LSAMP: variants seen among roughly 807,000 people sequenced by gnomAD.
LSAMP encodes the protein limbic system associated membrane protein, also known as limbic system-associated membrane protein.
Under a neutral mutation model 38.6 loss-of-function variants are expected in LSAMP, and 7 were observed. That is an observed-to-expected ratio of 0.18 (90% confidence interval 0.10 to 0.34). The LOEUF is 0.34. LSAMP is among the 10% of genes least tolerant of loss of function. The pLI is 1.00. For missense variants in LSAMP, 313 were observed against 420.0 expected (o/e 0.75, Z 2.23); for synonymous variants, 154 against 166.8 (o/e 0.92, Z 0.59).
intron 2 of LSAMP, among the ~76,000 whole-genome samples, chr3:116,048,469 G>A (rs926081277): frequency 2.0e-5 from 3 of 152,160 alleles, no homozygotes; most frequent in African/African-American, 7.2e-5. Context: ...ATCCACAAAA[G>A]CACATCTCTG....
chr3:116,004,524 A>G lies in LSAMP; in HGVS notation c.514+14991T>C, dbSNP rs534015267. 1.5e-4 allele frequency among the ~76,000 whole-genome samples: 22 copies of G among 147,472 alleles called. 2 individuals are homozygous for G. The South Asian group carries it at 2.1e-3, about 14-fold the overall frequency. ...AATGTGTGTGTGTATATATATGTGT[A>G]TATATATATATACACACACACACGT... On this transcript the variant is annotated intron_variant, in intron 3 of 6. Coordinates refer to ENST00000490035, the MANE Select transcript of LSAMP (RefSeq NM_002338.5).
At chr3:116,006,605 A>AATCC (rs886414201) in intron 3 of LSAMP, among the ~76,000 whole-genome samples, 2 of 152,172 alleles carry the variant, frequency 1.3e-5, no homozygotes, top group Non-Finnish European at 2.9e-5. Flanking sequence ...TCTCTTCAGG[A>AATCC]ATCCATCCAT....
chr3:116,107,700 C>T (rs1708500330), intron 1 of LSAMP, among the ~76,000 whole-genome samples: 1 of 152,100 alleles, frequency 6.6e-6, no homozygotes, highest in Non-Finnish European at 1.5e-5. Context: ...CAGTACAGCC[C>T]AGGTAATTTG....
At chr3:116,323,805 A>T (rs2047737375) in intron 1 of LSAMP, among the ~76,000 whole-genome samples, 3 of 152,122 alleles carry the variant, frequency 2.0e-5, no homozygotes, top group Admixed American at 1.3e-4. Flanking sequence ...CACAGACACC[A>T]CTAAAATGCC....
At chr3:116,424,767 T>C (rs1245742355) in intron 1 of LSAMP, among the ~76,000 whole-genome samples, 1 of 152,186 alleles carries the variant, frequency 6.6e-6, no homozygotes, top group Non-Finnish European at 1.5e-5. Flanking sequence ...GATGGAGCTC[T>C]GTATGCAGCA....
intron 1 of LSAMP, among the ~76,000 whole-genome samples, chr3:116,295,026 C>T (rs1259600333): frequency 6.6e-6 from 1 of 152,174 alleles, no homozygotes; most frequent in Non-Finnish European, 1.5e-5. Context: ...CTGACTTTAT[C>T]TTTTGGCTTT....
rs561635843 is a variant in LSAMP at position 115,915,736 on chromosome 3, G to A, written c.515-63119C>T. On this transcript the variant is annotated intron_variant, in intron 3 of 6. Coordinates refer to ENST00000490035, the MANE Select transcript of LSAMP (RefSeq NM_002338.5). ...CAACTTCCGCCTCCCGGGTTCAAGC[G>A]ATTCTCCTGCCTCAGCCTCCCAAGT... Among the ~76,000 whole-genome samples, 16 of 151,936 alleles carry A rather than the reference G, an allele frequency of 1.1e-4. No homozygotes were observed. In the East Asian group the frequency reaches 1.6e-3, roughly 15 times the overall value.
intron 1 of LSAMP, among the ~76,000 whole-genome samples, chr3:116,252,290 G>A (rs192694946): frequency 1.2e-4 from 19 of 152,296 alleles, no homozygotes; most frequent in Admixed American, 5.9e-4. Flanking sequence ...GTCACCACGA[G>A]GGGCAACTGA....
At chr3:116,231,371 T>C (rs1419545774) in intron 1 of LSAMP, among the ~76,000 whole-genome samples, 1 of 152,182 alleles carries the variant, frequency 6.6e-6, no homozygotes, top group Non-Finnish European at 1.5e-5. Flanking sequence ...TCATCTTCTG[T>C]TGTCCTGATT....
intron 1 of LSAMP, among the ~76,000 whole-genome samples, chr3:116,368,842 TA>T (rs1393481336): frequency 6.6e-6 from 1 of 152,188 alleles, no homozygotes; most frequent in Non-Finnish European, 1.5e-5. Flanking sequence ...CTTCCCTTTT[TA>T]AACTTTTAGA....
chr3:116,035,975 C>T (rs1015777526), intron 2 of LSAMP, among the ~76,000 whole-genome samples: 3 of 152,166 alleles, frequency 2.0e-5, no homozygotes, highest in African/African-American at 4.8e-5. Context: ...ATAAAAGCCC[C>T]TTCTTACCTT....
intron 2 of LSAMP, among the ~76,000 whole-genome samples, chr3:116,070,301 G>C (rs1707569760): frequency 6.6e-6 from 1 of 152,168 alleles, no homozygotes; most frequent in Non-Finnish European, 1.5e-5. Context: ...ACTGAGATTA[G>C]CAGGACTTTA....
chr3:116,363,811 AC>A (rs1222278780), intron 1 of LSAMP, among the ~76,000 whole-genome samples: 1 of 149,618 alleles, frequency 6.7e-6, no homozygotes, highest in East Asian at 2.0e-4. Flanking sequence ...AAATTCAACA[AC>A]CCTTCATGCT....
At chr3:116,201,144 T>C (rs1175105141) in intron 1 of LSAMP, among the ~76,000 whole-genome samples, 2 of 152,076 alleles carry the variant, frequency 1.3e-5, no homozygotes, top group East Asian at 3.9e-4. Context: ...TGTACCTCCT[T>C]CTCCCCATCC....
chr3:116,444,815 C>CAA, intron 1 of LSAMP, 62 bp downstream of exon 1: 1 of 905,208 alleles, frequency 1.1e-6, no homozygotes, highest in Non-Finnish European at 1.4e-6. Context: ...CACACAAACA[C>CAA]ACACACACAC....
chr3:116,087,896 T>G (rs979755677), intron 1 of LSAMP, among the ~76,000 whole-genome samples: 1 of 129,692 alleles, frequency 7.7e-6, no homozygotes, highest in East Asian at 2.1e-4. Flanking sequence ...TAGAGGGAGA[T>G]TTTTTTTTTT....
chr3:115,840,097 T>C (rs1486335970), intron 6 of LSAMP, among the ~76,000 whole-genome samples: 1 of 152,224 alleles, frequency 6.6e-6, no homozygotes, highest in Non-Finnish European at 1.5e-5. Context: ...TCTCAGGCTA[T>C]AGATGATATT....
intron 1 of LSAMP, among the ~76,000 whole-genome samples, chr3:116,127,171 C>T (rs1055457376): frequency 1.4e-4 from 21 of 152,136 alleles, no homozygotes; most frequent in African/African-American, 4.8e-4. Flanking sequence ...ATGCCAAATG[C>T]ATAGGGTTTT....
At chr3:116,375,800 T>G (rs987493556) in intron 1 of LSAMP, among the ~76,000 whole-genome samples, 1 of 151,978 alleles carries the variant, frequency 6.6e-6, no homozygotes, top group Admixed American at 6.6e-5. Flanking sequence ...TTTATTTTCA[T>G]CATTCGACTC....
Sources: gnomAD v4.1 joint callset for allele counts (sites outside exome capture counted in the v4.1 genomes callset) on GRCh38, gnomAD v4.1.1 for gene constraint, MANE v1.5 for transcripts, NCBI Gene and HGNC (gene_info 2026-07-23, HGNC 2026-07-21) for gene names.